The following CDKAL1 variants were observed in gnomAD, a reference collection of about 807,000 sequenced individuals.
CDKAL1 encodes CDKAL1 threonylcarbamoyladenosine tRNA methylthiotransferase, also known as threonylcarbamoyladenosine tRNA methylthiotransferase.
Under a neutral mutation model 68.2 loss-of-function variants are expected in CDKAL1, and 32 were observed. That is an observed-to-expected ratio of 0.47 (90% CI 0.35 to 0.63). The LOEUF is 0.63. Ranked by LOEUF, CDKAL1 falls within the 30% of genes least tolerant of loss-of-function variation. CDKAL1 has a pLI of 0.00. For synonymous variants in CDKAL1, 234 were observed against 244.3 expected (o/e 0.96, Z 0.39); for missense variants, 606 against 696.7 (o/e 0.87, Z 1.47).
chr6:20,745,507 T>G (rs62399299), intron 6 of CDKAL1, among the ~76,000 whole-genome samples: 8,687 of 152,254 alleles, frequency 0.057, 286 homozygotes, highest in African/African-American at 0.099. Context: ...ACATGTAAAT[T>G]TAAACACCCA....
chr6:20,875,702 C>G (rs1760478478), intron 9 of CDKAL1, among the ~76,000 whole-genome samples: 1 of 152,086 alleles, frequency 6.6e-6, no homozygotes, highest in Non-Finnish European at 1.5e-5. Flanking sequence ...GTCTGTAAAG[C>G]TATTTAATAA....
At chr6:21,156,424 CAAAAAAA>C (rs372631710) in intron 13 of CDKAL1, among the ~76,000 whole-genome samples, 42 of 85,146 alleles carry the variant, frequency 4.9e-4, no homozygotes, top group African/African-American at 1.8e-3. Context: ...ACCCTGTCTC[CAAAAAAA>C]AAAAAAAAAA....
At chr6:20,730,438 GAGAAAGAAA>G (rs1271504327) in intron 5 of CDKAL1, among the ~76,000 whole-genome samples, 2 of 145,190 alleles carry the variant, frequency 1.4e-5, no homozygotes, top group South Asian at 2.2e-4. Flanking sequence ...AAGAAAGAAA[GAGAAAGAAA>G]AGAAAGAAAG....
chr6:20,703,487 G>T (rs1229957669), intron 5 of CDKAL1, among the ~76,000 whole-genome samples: 4 of 152,018 alleles, frequency 2.6e-5, no homozygotes. Flanking sequence ...GTGCTCTAAT[G>T]TATTTGCTGT....
At position 21,213,651 on chromosome 6, in the gene CDKAL1, A is replaced by G. The variant is rs144818588; in HGVS notation, c.1548+12377A>G. 1.8e-4 allele frequency among the ~76,000 whole-genome samples: 27 copies of G among 152,314 alleles called. 1 individual carries two copies. Among genetic ancestry groups the G allele is most frequent in the African/African-American group, 5.5e-4 (23 of 41,564 alleles). Reference sequence around the variant, plus strand: ...GGTGTAAGATAGTGGCATTCACTACAGGTCTTCTTCTCTTAAATATTCTTG... The same window carrying G: ...GGTGTAAGATAGTGGCATTCACTACGGGTCTTCTTCTCTTAAATATTCTTG... On this transcript the variant is annotated intron_variant, in intron 15 of 15. Transcript: ENST00000274695.
chr6:20,854,557 G>A (rs980629986), intron 9 of CDKAL1, among the ~76,000 whole-genome samples: 2 of 152,236 alleles, frequency 1.3e-5, no homozygotes, highest in Admixed American at 6.5e-5. Flanking sequence ...AGGACAGAAA[G>A]AGAGGTTTGC....
Position 20,758,651 on chromosome 6 carries a change from T to C in CDKAL1, c.517+8T>C. ...TGGAGGAGACAATTAAAGGTAATCG[T>C]TGAAAGTGAGATAAACAGATGTATA... On this transcript the variant is annotated splice_region_variant and intron_variant, in intron 7 of 15. Coordinates refer to ENST00000274695, the MANE Select transcript of CDKAL1 (RefSeq NM_017774.3). 2 of 1,604,728 alleles carry C rather than the reference T, an allele frequency of 1.2e-6. No individual in the cohort carries two copies. Among genetic ancestry groups the C allele is most frequent in the Admixed American group, 3.4e-5 (2 of 59,658 alleles).
intron 4 of CDKAL1, among the ~76,000 whole-genome samples, chr6:20,570,123 T>C (rs1352809663): frequency 6.6e-6 from 1 of 152,166 alleles, no homozygotes; most frequent in Non-Finnish European, 1.5e-5. Flanking sequence ...TTGTTGTTGT[T>C]GTTGAGACGG....
chr6:21,146,934 T>G (rs544268156), intron 13 of CDKAL1, among the ~76,000 whole-genome samples: 1 of 152,248 alleles, frequency 6.6e-6, no homozygotes, highest in East Asian at 1.9e-4. Flanking sequence ...AAATAAAGCT[T>G]CTGTTTTCCC....
intron 13 of CDKAL1, among the ~76,000 whole-genome samples, chr6:21,163,361 C>A (rs1182322868): frequency 6.6e-6 from 1 of 152,144 alleles, no homozygotes; most frequent in Non-Finnish European, 1.5e-5. Context: ...GGATCCTGAC[C>A]TCTTAATCTT....
chr6:21,049,596 G>A (rs748023518), intron 11 of CDKAL1, among the ~76,000 whole-genome samples: 1 of 152,084 alleles, frequency 6.6e-6, no homozygotes, highest in Non-Finnish European at 1.5e-5. Flanking sequence ...CTTATGTAAG[G>A]CTTTGTGCTT....
chr6:20,956,483 A>T (rs976574744), intron 10 of CDKAL1, among the ~76,000 whole-genome samples: 1 of 152,366 alleles, frequency 6.6e-6, no homozygotes, highest in Middle Eastern at 3.4e-3. Flanking sequence ...ACCCATAGTT[A>T]TGGAAATAAA....
chr6:20,924,487 T>A (rs1763097724), intron 9 of CDKAL1, among the ~76,000 whole-genome samples: 1 of 152,086 alleles, frequency 6.6e-6, no homozygotes, highest in South Asian at 2.1e-4. Context: ...AAATTAAAAG[T>A]GCTACTCCAA....
At chr6:20,921,984 GC>G (rs576722711) in intron 9 of CDKAL1, among the ~76,000 whole-genome samples, 2 of 152,296 alleles carry the variant, frequency 1.3e-5, no homozygotes, top group South Asian at 4.1e-4. Flanking sequence ...TTATTTGTGT[GC>G]TGTAACTGTC....
At chr6:20,800,633 G>A (rs1363258228) in intron 8 of CDKAL1, 2 of 152,038 alleles carry the variant, frequency 1.3e-5, no homozygotes, top group Non-Finnish European at 2.9e-5. Context: ...CTTTTTTGAG[G>A]GTGGTGGGGG....
chr6:20,898,858 A>G (rs1761824205), intron 9 of CDKAL1, among the ~76,000 whole-genome samples: 1 of 152,130 alleles, frequency 6.6e-6, no homozygotes, highest in Admixed American at 6.5e-5. Context: ...AGCTTCTGCT[A>G]AGATTCAAGG....
chr6:21,025,959 G>C (rs73735609), intron 11 of CDKAL1, among the ~76,000 whole-genome samples: 129 of 152,070 alleles, frequency 8.5e-4, no homozygotes, highest in African/African-American at 3.0e-3. Flanking sequence ...TCATTGTTTT[G>C]AATGAACATT....
intron 4 of CDKAL1, among the ~76,000 whole-genome samples, chr6:20,571,343 G>C (rs1764693030): frequency 7.2e-6 from 1 of 139,486 alleles, no homozygotes; most frequent in Non-Finnish European, 1.6e-5. Flanking sequence ...TCATAAGCCT[G>C]TTGTGTTATG....
At chr6:20,835,629 C>G (rs959313421) in intron 8 of CDKAL1, among the ~76,000 whole-genome samples, 14 of 152,146 alleles carry the variant, frequency 9.2e-5, no homozygotes, top group Middle Eastern at 3.4e-3. Context: ...TTTGCTGCAA[C>G]CTCTGCCTCC....
Sources: allele counts gnomAD v4.1 joint callset (sites outside exome capture counted in the v4.1 genomes callset), GRCh38; gene constraint gnomAD v4.1.1; transcripts MANE v1.5; gene names NCBI Gene and HGNC (gene_info 2026-07-23, HGNC 2026-07-21).